JMY: variants seen among roughly 807,000 people sequenced by gnomAD.
JMY encodes the protein junction-mediating and -regulatory protein.
In JMY, 46 loss-of-function variants were observed where a neutral mutation model predicts 103.3. The observed-to-expected ratio is 0.45, with a 90% CI of 0.35 to 0.57. The LOEUF (loss-of-function observed/expected upper bound fraction) is 0.57, where lower values mean the gene tolerates loss of function less well. Among genes scored for constraint, JMY ranks in the 20% least tolerant of loss-of-function variants. JMY has a pLI of 0.00. For missense variants in JMY, 1,238 were observed against 1,255.2 expected (o/e 0.99, Z 0.21); for synonymous variants, 526 against 489.3 (o/e 1.07, Z -0.99).
chr5:79,244,835 T>TG (rs978083919), intron 1 of JMY, among the ~76,000 whole-genome samples: 25 of 148,820 alleles, frequency 1.7e-4, no homozygotes, highest in Non-Finnish European at 3.1e-4. Flanking sequence ...AACTATTTGT[T>TG]TTTTTTTTTT....
intron 2 of JMY, among the ~76,000 whole-genome samples, chr5:79,288,170 T>C (rs534679717): frequency 3.9e-5 from 6 of 152,364 alleles, no homozygotes; most frequent in Admixed American, 3.9e-4. Context: ...CCTGACATTT[T>C]AAATGTCTTT....
At chr5:79,271,495 A>C (rs1745781661) in intron 1 of JMY, among the ~76,000 whole-genome samples, 1 of 152,032 alleles carries the variant, frequency 6.6e-6, no homozygotes, top group Non-Finnish European at 1.5e-5. Context: ...TCACCTATGA[A>C]CCTATCTGGG....
chr5:79,307,879 C>G (rs1295306441), intron 7 of JMY, among the ~76,000 whole-genome samples: 2 of 152,110 alleles, frequency 1.3e-5, no homozygotes, highest in East Asian at 3.9e-4. Flanking sequence ...GCTGGGACTA[C>G]AGACATGCAT....
Position 79,291,170 on chromosome 5 carries a change from T to C in JMY, c.1398T>C (p.Gly466=). 1 of 1,610,544 alleles carries C rather than the reference T, an allele frequency of 6.2e-7. No homozygotes were observed. ...DRMRADQKKF[G]KASWAAAAER... ...TGCGAGCTGATCAGAAGAAATTTGG[T>C]AAAGCATCATGGGCAGCGGCTGCTG... The change falls in exon 4 of 11, where the codon GGT becomes GGC. Residue 466 remains glycine (G), a synonymous_variant. Coordinates refer to ENST00000396137, the MANE Select transcript of JMY (RefSeq NM_152405.5).
intron 1 of JMY, among the ~76,000 whole-genome samples, chr5:79,256,129 G>A (rs963571205): frequency 1.3e-5 from 2 of 152,200 alleles, no homozygotes; most frequent in Non-Finnish European, 2.9e-5. Context: ...AGCTGAGCTG[G>A]CACTCACACC....
intron 6 of JMY, among the ~76,000 whole-genome samples, chr5:79,303,287 C>A (rs1328970891): frequency 6.6e-6 from 1 of 152,026 alleles, no homozygotes; most frequent in Non-Finnish European, 1.5e-5. Flanking sequence ...CCAGGCTGGT[C>A]TCAAACTCCT....
At chr5:79,251,377 A>G (rs1442893605) in intron 1 of JMY, among the ~76,000 whole-genome samples, 2 of 152,102 alleles carry the variant, frequency 1.3e-5, no homozygotes, top group African/African-American at 2.4e-5. Flanking sequence ...GACTACAGCC[A>G]TGCGCCACCA....
chr5:79,271,206 T>G (rs547175481), intron 1 of JMY, among the ~76,000 whole-genome samples: 1 of 151,062 alleles, frequency 6.6e-6, no homozygotes, highest in Non-Finnish European at 1.5e-5. Flanking sequence ...TTTTTTTTTT[T>G]AAATTTTAGT....
intron 2 of JMY, among the ~76,000 whole-genome samples, chr5:79,285,899 A>G (rs1580355297): frequency 6.6e-6 from 1 of 152,224 alleles, no homozygotes; most frequent in East Asian, 1.9e-4. Context: ...TGTGCTTCAT[A>G]ATAATTCCAC....
chr5:79,273,773 GT>G (rs1255795824), intron 1 of JMY, among the ~76,000 whole-genome samples: 2 of 152,108 alleles, frequency 1.3e-5, no homozygotes, highest in Non-Finnish European at 2.9e-5. Context: ...ATCTCGGGTT[GT>G]GGGGGAAGAC....
intron 1 of JMY, among the ~76,000 whole-genome samples, chr5:79,261,826 T>A (rs1745432887): frequency 3.9e-5 from 6 of 152,060 alleles, no homozygotes; most frequent in Admixed American, 3.3e-4. Flanking sequence ...GGTTTCACCA[T>A]GTTGGCCAAG....
rs1231943047 is a variant in JMY, at chr5:79,314,321, G to A, written c.2129G>A (p.Gly710Asp). 6 of 1,614,048 alleles carry A rather than the reference G, an allele frequency of 3.7e-6. No homozygotes were observed. Among genetic ancestry groups the A allele is most frequent in the Admixed American group, 1.7e-5 (1 of 59,992 alleles). Reference sequence around the variant, plus strand: ...CGACTAGCTCATGCAAGAAGAAAAGGTGCAGCAAGTCCTGTTCTCCAAGAG... The same window carrying A: ...CGACTAGCTCATGCAAGAAGAAAAGATGCAGCAAGTCCTGTTCTCCAAGAG... ...RLRLAHARRK[G>D]AASPVLQEDH... The change falls in exon 9 of 11, where the codon GGT (glycine) becomes GAT (aspartate). Residue 710 changes from glycine (G) to aspartate (D), a missense_variant. By Grantham distance (94) the Gly-to-Asp change is moderately conservative. Coordinates refer to ENST00000396137, the MANE Select transcript of JMY (RefSeq NM_152405.5).
Position 79,253,905 on chromosome 5 carries a change from G to T in JMY, c.1032+16223G>T, listed in dbSNP as rs980999851. On this transcript the variant is annotated intron_variant, in intron 1 of 10. Coordinates refer to ENST00000396137, the MANE Select transcript of JMY (RefSeq NM_152405.5). ...TGGTCTCGAAATACTGGGCTCAAGTGATCCACCCATCCTGTCCCCTGAAAG... is the reference window on the plus strand; with the variant it reads ...TGGTCTCGAAATACTGGGCTCAAGTTATCCACCCATCCTGTCCCCTGAAAG... Among the ~76,000 whole-genome samples the T allele has an allele frequency of 2.7e-5, 4 of 150,520 alleles. No individual in the cohort carries two copies. In the South Asian group the frequency reaches 8.4e-4, roughly 32 times the overall value.
At chr5:79,283,777 T>TA (rs1184614215) in intron 2 of JMY, among the ~76,000 whole-genome samples, 1 of 152,242 alleles carries the variant, frequency 6.6e-6, no homozygotes, top group Non-Finnish European at 1.5e-5. Flanking sequence ...GTGATTATGA[T>TA]ACACACTTAA....
intron 2 of JMY, among the ~76,000 whole-genome samples, chr5:79,283,269 G>A (rs1163357475): frequency 6.6e-6 from 1 of 151,996 alleles, no homozygotes; most frequent in Non-Finnish European, 1.5e-5. Flanking sequence ...GATTACAGGT[G>A]TGAGCCACTG....
At chr5:79,311,663 A>T (rs1238807052) in intron 7 of JMY, among the ~76,000 whole-genome samples, 1 of 152,258 alleles carries the variant, frequency 6.6e-6, no homozygotes, top group Non-Finnish European at 1.5e-5. Context: ...TTTATTATAT[A>T]GCTTTTAGAT....
intron 2 of JMY, among the ~76,000 whole-genome samples, chr5:79,288,872 T>C (rs994890537): frequency 2.0e-5 from 3 of 152,084 alleles, no homozygotes; most frequent in African/African-American, 7.2e-5. Flanking sequence ...CCCAAGCTTA[T>C]CTTGCCCTTT....
chr5:79,268,800 C>G (rs1745661086), intron 1 of JMY, among the ~76,000 whole-genome samples: 1 of 152,176 alleles, frequency 6.6e-6, no homozygotes. Context: ...CATCTTTTCA[C>G]ATGCTTATTT....
At chr5:79,318,772 AG>A (rs1747341060) in intron 10 of JMY, among the ~76,000 whole-genome samples, 1 of 24,174 alleles carries the variant, frequency 4.1e-5, no homozygotes, top group Non-Finnish European at 8.1e-5. Context: ...AGAGAGAGAG[AG>A]AGAGAGAGAG....
Sources: gnomAD v4.1 joint callset for allele counts (sites outside exome capture counted in the v4.1 genomes callset) on GRCh38, gnomAD v4.1.1 for gene constraint, MANE v1.5 for transcripts, NCBI Gene and HGNC (gene_info 2026-07-23, HGNC 2026-07-21) for gene names.